MAP3K20: variants seen among roughly 807,000 people sequenced by gnomAD.
The protein encoded by MAP3K20 is mitogen-activated protein kinase kinase kinase 20, also known as HCCS-4.
A neutral mutation model predicts 85.7 loss-of-function variants in MAP3K20; 40 were observed. That is an observed-to-expected ratio of 0.47 (90% CI 0.36 to 0.61). The LOEUF (loss-of-function observed/expected upper bound fraction) is 0.61. MAP3K20 is among the 20% of genes least tolerant of loss of function. The probability of loss-of-function intolerance (pLI) is 0.00; values close to 1 mark genes in which losing one functional copy is unlikely to be tolerated. For synonymous variants in MAP3K20, 325 were observed against 327.7 expected, an observed-to-expected ratio of 0.99 and a Z score of 0.09; for missense variants, 817 against 961.7, an observed-to-expected ratio of 0.85 and a Z score of 1.99.
intron 16 of MAP3K20, among the ~76,000 whole-genome samples, chr2:173,256,304 T>C (rs1020766604): frequency 3.3e-5 from 5 of 152,176 alleles, no homozygotes; most frequent in Non-Finnish European, 5.9e-5. Context: ...CTTGGTACAT[T>C]AGCCTTAATC....
In MAP3K20 at chr2:173,217,110, T is replaced by C. The variant is rs780909995; in HGVS notation, c.852-5T>C. The C allele has an allele frequency of 2.6e-6, 4 of 1,550,350 alleles. No homozygotes were observed. Among genetic ancestry groups the C allele is most frequent in the Non-Finnish European group, 3.5e-6 (4 of 1,146,850 alleles). On this transcript the variant is annotated splice_region_variant and splice_polypyrimidine_tract_variant and intron_variant, in intron 10 of 19. Coordinates refer to ENST00000375213, the MANE Select transcript of MAP3K20 (RefSeq NM_016653.3). ...TTGAGACTTACACCAGCTATCCCCG[T>C]GCAGGTGCGAAATTGAGGCAACTCT...
chr2:173,211,311 T>C (rs944409575), intron 10 of MAP3K20: 1 of 152,252 alleles, frequency 6.6e-6, no homozygotes, highest in African/African-American at 2.4e-5. Flanking sequence ...CAGACCCTCA[T>C]TACTGTGGCC....
chr2:173,236,031 C>G (rs922200788), intron 14 of MAP3K20, among the ~76,000 whole-genome samples: 2 of 152,068 alleles, frequency 1.3e-5, no homozygotes. Flanking sequence ...TTTGGGAGGT[C>G]AAGGTGGGCA....
chr2:173,221,012 C>T, intron 11 of MAP3K20: 2 of 651,488 alleles, frequency 3.1e-6, no homozygotes, highest in Non-Finnish European at 4.4e-6. Context: ...TAAATTCTCA[C>T]ATAATTCCCT....
intron 2 of MAP3K20, among the ~76,000 whole-genome samples, chr2:173,115,229 T>C (rs1382804468): frequency 6.6e-6 from 1 of 152,188 alleles, no homozygotes; most frequent in Non-Finnish European, 1.5e-5. Flanking sequence ...TTCAAATTTC[T>C]AAAAGTGTGT....
chr2:173,085,320 G>T (rs1687116345), intron 1 of MAP3K20, among the ~76,000 whole-genome samples: 1 of 152,038 alleles, frequency 6.6e-6, no homozygotes, highest in Admixed American at 6.6e-5. Flanking sequence ...CAAAATAGAA[G>T]GTCTGTGAAT....
intron 3 of MAP3K20, among the ~76,000 whole-genome samples, chr2:173,175,963 A>G (rs577518790): frequency 2.3e-4 from 35 of 152,304 alleles, no homozygotes; most frequent in African/African-American, 8.2e-4. Flanking sequence ...TTTAGTTAAT[A>G]TTTTAAAGAA....
chr2:173,224,131 TG>T, intron 11 of MAP3K20: 3 of 850,970 alleles, frequency 3.5e-6, no homozygotes, highest in Non-Finnish European at 4.2e-6. Flanking sequence ...GATAAGTATA[TG>T]CCAAAAAATG....
intron 3 of MAP3K20, among the ~76,000 whole-genome samples, chr2:173,174,781 T>C (rs2106256452): frequency 6.6e-6 from 1 of 152,356 alleles, no homozygotes; most frequent in African/African-American, 2.4e-5. Flanking sequence ...AGAATGACTT[T>C]TTAAAGTTAA....
intron 4 of MAP3K20, among the ~76,000 whole-genome samples, chr2:173,184,780 C>T (rs1690434908): frequency 6.6e-6 from 1 of 151,754 alleles, no homozygotes; most frequent in Non-Finnish European, 1.5e-5. Flanking sequence ...CGTGGTGGTG[C>T]ACTACTCGCC....
intron 2 of MAP3K20, among the ~76,000 whole-genome samples, chr2:173,127,365 ATAACTT>A (rs1688473192): frequency 6.6e-6 from 1 of 152,236 alleles, no homozygotes; most frequent in South Asian, 2.1e-4. Flanking sequence ...TAGAAGAAAA[ATAACTT>A]TATAAATAAT....
intron 2 of MAP3K20, among the ~76,000 whole-genome samples, chr2:173,095,042 TA>T (rs1248790580): frequency 6.6e-6 from 1 of 152,226 alleles, no homozygotes; most frequent in Non-Finnish European, 1.5e-5. Flanking sequence ...AGTTTGCCCT[TA>T]TTTTTTCCTT....
intron 2 of MAP3K20, among the ~76,000 whole-genome samples, chr2:173,143,264 T>C (rs1689029957): frequency 6.6e-6 from 1 of 152,126 alleles, no homozygotes. Flanking sequence ...ATAATGATGA[T>C]TTAAAAAGTC....
At chr2:173,189,769 C>G (rs2106273443) in intron 5 of MAP3K20, among the ~76,000 whole-genome samples, 1 of 152,162 alleles carries the variant, frequency 6.6e-6, no homozygotes. Flanking sequence ...GCTTCTTTAT[C>G]TGATTTTATC....
intron 2 of MAP3K20, among the ~76,000 whole-genome samples, chr2:173,162,504 G>A (rs1167536831): frequency 1.3e-5 from 2 of 152,016 alleles, no homozygotes; most frequent in Non-Finnish European, 2.9e-5. Context: ...TGGCCAGCAT[G>A]GTGAAACCTC....
At chr2:173,166,751 T>C (rs1689836392) in intron 2 of MAP3K20, 1 of 152,196 alleles carries the variant, frequency 6.6e-6, no homozygotes, top group African/African-American at 2.4e-5. Flanking sequence ...ATTTTCATGT[T>C]TTCCTTTTAA....
chr2:173,227,217 T>C, intron 11 of MAP3K20: 1 of 853,702 alleles, frequency 1.2e-6, no homozygotes, highest in African/African-American at 1.8e-5. Flanking sequence ...TTTGAAGGAA[T>C]CGTTGTCACA....
chr2:173,121,631 C>A (rs1019976269), intron 2 of MAP3K20, among the ~76,000 whole-genome samples: 3 of 152,110 alleles, frequency 2.0e-5, no homozygotes, highest in African/African-American at 4.8e-5. Context: ...TCGTGATCCG[C>A]CCGCCTTGGC....
At chr2:173,257,635 C>T (rs565623802) in intron 16 of MAP3K20, among the ~76,000 whole-genome samples, 1 of 152,108 alleles carries the variant, frequency 6.6e-6, no homozygotes, top group African/African-American at 2.4e-5. Flanking sequence ...CACATCTAGA[C>T]AAGTCTTTTT....
Sources: allele counts gnomAD v4.1 joint callset (sites outside exome capture counted in the v4.1 genomes callset), GRCh38; gene constraint gnomAD v4.1.1; transcripts MANE v1.5; gene names NCBI Gene and HGNC (gene_info 2026-07-23, HGNC 2026-07-21).